The following UGT1A7 variants were observed in gnomAD, a reference collection of about 807,000 sequenced individuals.
UGT1A7 encodes UDP glucuronosyltransferase family 1 member A7, also known as UDP-glucuronosyltransferase 1A7.
UGT1A7 carries 33 observed loss-of-function variants against 45.6 expected under a neutral mutation model. That is an observed-to-expected ratio of 0.72 (90% CI 0.55 to 0.97). The LOEUF (loss-of-function observed/expected upper bound fraction) is 0.97, where lower values mean the gene tolerates loss of function less well. Among genes scored for constraint, UGT1A7 ranks in the 50% least tolerant of loss-of-function variants. The pLI, the probability that UGT1A7 is intolerant of heterozygous loss-of-function variation, is 0.00. For synonymous variants in UGT1A7, 274 were observed against 250.6 expected (o/e 1.09, Z -0.88); for missense variants, 684 against 666.2 (o/e 1.03, Z -0.29).
chr2:233,727,725 C>CT (rs2077642996), intron 1 of UGT1A7, among the ~76,000 whole-genome samples: 1 of 152,230 alleles, frequency 6.6e-6, no homozygotes, highest in South Asian at 2.1e-4. Context: ...GCAGACCTTC[C>CT]TTTTCTGTGC....
In UGT1A7 at chr2:233,743,838, C is replaced by A. The variant is rs749381543; in HGVS notation, c.856-23196C>A. 7.3e-6 allele frequency: 10 copies of A among 1,367,292 alleles called. No individual in the cohort carries two copies. In the South Asian group the frequency reaches 1.1e-4, roughly 16 times the overall value. 84.7% of individuals were successfully genotyped at this position (1,367,292 alleles called of 1,614,324 possible). On this transcript the variant is annotated intron_variant, in intron 1 of 4. Coordinates refer to ENST00000373426, the MANE Select transcript of UGT1A7 (RefSeq NM_019077.3). The stretch of plus-strand genomic sequence containing the variant: ...TTTTTGTCGGGGTGCCACTTGAGCG[C>A]CAGCTTGCGGTACGCCTTCTTGATG...
rs1375578843 is a variant in UGT1A7, at chr2:233,769,338, C to A, written c.1295+899C>A. Among the ~76,000 whole-genome samples the A allele has an allele frequency of 6.6e-6, 1 of 152,184 alleles. No individual in the cohort carries two copies. Among genetic ancestry groups the A allele is most frequent in the East Asian group, 1.9e-4 (1 of 5,204 alleles). On this transcript the variant is annotated intron_variant, in intron 4 of 4. Transcript: ENST00000373426. The surrounding 1 kb of genome is among the most constrained non-coding windows in gnomAD (Gnocchi z 4.4). ...CTCACTGGTAATAGGCTTATTAGAA[C>A]CTTATGGGAAGAAGTGGTGGCCAGT...
chr2:233,692,816 T>G (rs2075115835), intron 1 of UGT1A7: 1 of 1,429,336 alleles, frequency 7.0e-7, no homozygotes, highest in Non-Finnish European at 9.1e-7. Flanking sequence ...TTGGTTCATA[T>G]TAACCATGTG....
At chr2:233,755,051 C>A in intron 1 of UGT1A7, 1 of 1,331,262 alleles carries the variant, frequency 7.5e-7, no homozygotes, top group East Asian at 4.6e-5. Flanking sequence ...AGCCGCCCTC[C>A]GCCCTCGCCT....
intron 1 of UGT1A7, chr2:233,693,748 G>A: frequency 1.2e-6 from 2 of 1,614,248 alleles, no homozygotes; most frequent in Non-Finnish European, 1.7e-6. Context: ...CCTTATATCA[G>A]AAGGTCTCTG....
At chr2:233,728,904 C>T (rs1575577301) in intron 1 of UGT1A7, among the ~76,000 whole-genome samples, 3 of 150,724 alleles carry the variant, frequency 2.0e-5, no homozygotes, top group South Asian at 4.1e-4. Flanking sequence ...CAGGGTCAGA[C>T]GTGTTTTTCA....
intron 1 of UGT1A7, chr2:233,729,989 C>T (rs1412952740): frequency 6.2e-7 from 1 of 1,614,050 alleles, no homozygotes; most frequent in Non-Finnish European, 8.5e-7. Flanking sequence ...AAGCCACTAT[C>T]TCAGGTCTGT....
chr2:233,772,468 T>C lies in UGT1A7; in HGVS notation c.1502T>C (p.Phe501Ser). ...TTGGCCGTCGTGCTGACAGTGGCCTTCATCACCTTTAAATGTTGTGCTTAT... is the reference window on the plus strand; with the variant it reads ...TTGGCCGTCGTGCTGACAGTGGCCTCCATCACCTTTAAATGTTGTGCTTAT... ...FLLAVVLTVA[F>S]ITFKCCAYGY... The change falls in exon 5 of 5, where the codon TTC becomes TCC. Residue 501 changes from phenylalanine to serine, a missense_variant. Coordinates refer to ENST00000373426, the MANE Select transcript of UGT1A7 (RefSeq NM_019077.3). 1 of 1,614,162 alleles carries C rather than the reference T, an allele frequency of 6.2e-7. No individual in the cohort carries two copies. Among genetic ancestry groups the C allele is most frequent in the South Asian group, 1.1e-5 (1 of 91,082 alleles).
intron 1 of UGT1A7, among the ~76,000 whole-genome samples, chr2:233,728,740 G>C (rs1227544555): frequency 1.3e-5 from 2 of 152,220 alleles, no homozygotes; most frequent in African/African-American, 2.4e-5. Flanking sequence ...CTGGGGGCTA[G>C]GGCAATGGTG....
intron 1 of UGT1A7, among the ~76,000 whole-genome samples, chr2:233,727,837 G>A (rs564392450): frequency 6.6e-6 from 1 of 152,316 alleles, no homozygotes; most frequent in Non-Finnish European, 1.5e-5. Context: ...TGTTATCAAT[G>A]TGGAGTAATT....
At chr2:233,735,658 T>C (rs948195085) in intron 1 of UGT1A7, among the ~76,000 whole-genome samples, 2 of 152,230 alleles carry the variant, frequency 1.3e-5, no homozygotes, top group African/African-American at 2.4e-5. Flanking sequence ...CTGGTGTTTC[T>C]TTCCATGTTT....
intron 4 of UGT1A7, among the ~76,000 whole-genome samples, chr2:233,771,783 T>TCTCACTCCCTCCCTCC (rs1700380653): frequency 6.6e-6 from 1 of 151,556 alleles, no homozygotes; most frequent in Non-Finnish European, 1.5e-5. Context: ...TCCTTTCCTC[T>TCTCACTCCCTCCCTCC]CTCCCTCCCT....
At chr2:233,719,313 C>CT (rs1559364649) in intron 1 of UGT1A7, 6 of 1,613,954 alleles carry the variant, frequency 3.7e-6, no homozygotes, top group Non-Finnish European at 5.1e-6. Flanking sequence ...GGCTAAGTAC[C>CT]TGTCGATTCC....
chr2:233,758,803 T>C (rs554075465), intron 1 of UGT1A7, among the ~76,000 whole-genome samples: 1 of 152,342 alleles, frequency 6.6e-6, no homozygotes, highest in Admixed American at 6.5e-5. Context: ...TGGAATTGTA[T>C]AGTACAGCAG....
chr2:233,693,847 G>A, intron 1 of UGT1A7: 2 of 1,614,212 alleles, frequency 1.2e-6, no homozygotes, highest in Non-Finnish European at 1.7e-6. Flanking sequence ...ACTGTAAGAA[G>A]AGGAAAGACT....
chr2:233,735,459 T>C (rs1405136849), intron 1 of UGT1A7, among the ~76,000 whole-genome samples: 1 of 152,220 alleles, frequency 6.6e-6, no homozygotes, highest in African/African-American at 2.4e-5. Context: ...CTTGACTCTT[T>C]ATCCAATTTG....
At chr2:233,735,700 G>A (rs940691560) in intron 1 of UGT1A7, among the ~76,000 whole-genome samples, 1 of 151,948 alleles carries the variant, frequency 6.6e-6, no homozygotes, top group African/African-American at 2.4e-5. Context: ...TGTAAGGCAG[G>A]CCTGGTGGTG....
chr2:233,755,066 A>G, intron 1 of UGT1A7: 1 of 1,335,668 alleles, frequency 7.5e-7, no homozygotes, highest in Non-Finnish European at 1.0e-6. Flanking sequence ...TCGCCTCGCC[A>G]TAGCGGTCAT....
At chr2:233,696,391 G>A (rs898217771) in intron 1 of UGT1A7, among the ~76,000 whole-genome samples, 1 of 151,986 alleles carries the variant, frequency 6.6e-6, no homozygotes, top group Non-Finnish European at 1.5e-5. Context: ...TTCTTTGTAC[G>A]TTTTGTAAAT....
Sources: allele counts gnomAD v4.1 joint callset (sites outside exome capture counted in the v4.1 genomes callset), GRCh38; gene constraint gnomAD v4.1.1; non-coding constraint Gnocchi (gnomAD v3.1); transcripts MANE v1.5; gene names NCBI Gene and HGNC (gene_info 2026-07-23, HGNC 2026-07-21).